RIT2: variants seen among roughly 807,000 people sequenced by gnomAD.
RIT2 encodes Ras like without CAAX 2, also known as GTP-binding protein Rit2.
A neutral mutation model predicts 23.7 loss-of-function variants in RIT2; 24 were observed. The ratio of observed to expected loss-of-function variants is 1.01; its 90% CI spans 0.73 to 1.43. The LOEUF is 1.43. Among genes scored for constraint, RIT2 ranks in the 40% most tolerant of loss-of-function variants. The pLI, the probability that RIT2 is intolerant of heterozygous loss-of-function variation, is 0.00. For missense variants in RIT2, 236 were observed against 266.9 expected, an observed-to-expected ratio of 0.88 and a Z score of 0.81; for synonymous variants, 107 against 91.1, an observed-to-expected ratio of 1.17 and a Z score of -0.99.
chr18:43,086,877 G>T (rs1913294945), intron 1 of RIT2, among the ~76,000 whole-genome samples: 2 of 152,124 alleles, frequency 1.3e-5, no homozygotes, highest in Non-Finnish European at 2.9e-5. Context: ...TGCAATTAGA[G>T]CTCAAATCTT....
chr18:42,903,346 C>G (rs905939732), intron 4 of RIT2, among the ~76,000 whole-genome samples: 5 of 151,978 alleles, frequency 3.3e-5, no homozygotes, highest in African/African-American at 9.7e-5. Context: ...CTTAAGCACA[C>G]AAAATATTTG....
intron 2 of RIT2, among the ~76,000 whole-genome samples, chr18:43,011,802 T>C (rs1911357703): frequency 6.6e-6 from 1 of 151,840 alleles, no homozygotes; most frequent in Admixed American, 6.6e-5. Context: ...CATTTTTTGC[T>C]TTCTGAAATT....
chr18:43,075,416 C>G (rs995164510), intron 1 of RIT2, among the ~76,000 whole-genome samples: 21 of 152,086 alleles, frequency 1.4e-4, no homozygotes, highest in African/African-American at 5.1e-4. Flanking sequence ...CCATGATTAA[C>G]TTCTTTGATA....
chr18:43,054,634 A>G (rs547167494), intron 1 of RIT2, among the ~76,000 whole-genome samples: 43 of 152,178 alleles, frequency 2.8e-4, no homozygotes, highest in Non-Finnish European at 5.7e-4. Context: ...AAATCCTTAT[A>G]TGCTGTTTCA....
At chr18:43,059,277 T>C (rs1912584965) in intron 1 of RIT2, among the ~76,000 whole-genome samples, 1 of 152,102 alleles carries the variant, frequency 6.6e-6, no homozygotes, top group African/African-American at 2.4e-5. Flanking sequence ...TTATCTGTTT[T>C]ATGGATGTCA....
At chr18:42,782,073 A>C (rs188275044) in intron 4 of RIT2, among the ~76,000 whole-genome samples, 1 of 152,314 alleles carries the variant, frequency 6.6e-6, no homozygotes, top group Admixed American at 6.5e-5. Flanking sequence ...CTTTCAAAGC[A>C]CAGGAAAATG....
intron 4 of RIT2, among the ~76,000 whole-genome samples, chr18:42,820,854 T>C (rs1906128780): frequency 6.6e-6 from 1 of 152,160 alleles, no homozygotes; most frequent in Non-Finnish European, 1.5e-5. Context: ...TCAAATCTCA[T>C]GTTAAAATGT....
chr18:43,065,334 G>A (rs62092699), intron 1 of RIT2, among the ~76,000 whole-genome samples: 13,564 of 147,488 alleles, frequency 0.092, 691 homozygotes, highest in East Asian at 0.19. Context: ...GGGCTCAAGC[G>A]ATCCTCCTAC....
chr18:42,859,269 C>T lies in RIT2; in HGVS notation c.426+64303G>A, dbSNP rs549973614. On this transcript the variant is annotated intron_variant, in intron 4 of 4. Coordinates refer to ENST00000326695, the MANE Select transcript of RIT2 (RefSeq NM_002930.4). ...CATTAGTGGGTGTGAACTGATGTCT[C>T]GTGGTTTTGATTTATATTTCCTCAA... Among the ~76,000 whole-genome samples the T allele has an allele frequency of 5.3e-5, 8 of 152,172 alleles. No individual in the cohort carries two copies. In the East Asian group the frequency reaches 7.7e-4, roughly 15 times the overall value.
At chr18:42,915,271 A>C (rs2144123549) in intron 4 of RIT2, among the ~76,000 whole-genome samples, 1 of 152,140 alleles carries the variant, frequency 6.6e-6, no homozygotes, top group South Asian at 2.1e-4. Context: ...TGGGCAGGCA[A>C]GGATACCTGG....
chr18:42,818,143 CTA>C (rs1368337289), intron 4 of RIT2, among the ~76,000 whole-genome samples: 9 of 151,858 alleles, frequency 5.9e-5, no homozygotes, highest in African/African-American at 2.2e-4. Flanking sequence ...AAGTGAAATA[CTA>C]TGAGACTTCT....
At chr18:42,895,623 G>A (rs1033419219) in intron 4 of RIT2, among the ~76,000 whole-genome samples, 7 of 152,132 alleles carry the variant, frequency 4.6e-5, no homozygotes, top group African/African-American at 1.7e-4. Flanking sequence ...ACCCGATTGA[G>A]GACCTATGAG....
At chr18:42,876,214 G>A (rs911471840) in intron 4 of RIT2, among the ~76,000 whole-genome samples, 1 of 151,924 alleles carries the variant, frequency 6.6e-6, no homozygotes, top group Non-Finnish European at 1.5e-5. Context: ...GTGAGATGAT[G>A]AATATATTTC....
At chr18:42,903,351 T>C (rs1167596545) in intron 4 of RIT2, among the ~76,000 whole-genome samples, 1 of 152,058 alleles carries the variant, frequency 6.6e-6, no homozygotes, top group African/African-American at 2.4e-5. Flanking sequence ...GCACACAAAA[T>C]ATTTGCAGAA....
chr18:43,051,492 A>ACTTT (rs1912383326), intron 1 of RIT2, among the ~76,000 whole-genome samples: 1 of 152,126 alleles, frequency 6.6e-6, no homozygotes, highest in Non-Finnish European at 1.5e-5. Context: ...AAAAATTTCC[A>ACTTT]TCCAGGAGAG....
chr18:42,973,089 G>A (rs1406557489), intron 3 of RIT2, among the ~76,000 whole-genome samples: 8 of 151,612 alleles, frequency 5.3e-5, no homozygotes, highest in African/African-American at 1.5e-4. Flanking sequence ...CTTACTTTGA[G>A]TTTGGCTACT....
intron 3 of RIT2, among the ~76,000 whole-genome samples, chr18:42,954,230 T>C (rs1427492589): frequency 3.3e-5 from 5 of 151,716 alleles, no homozygotes; most frequent in Non-Finnish European, 7.4e-5. Flanking sequence ...ATACAAAAAT[T>C]AGCCTGGCAT....
chr18:42,853,933 T>G (rs1598684065), intron 4 of RIT2, among the ~76,000 whole-genome samples: 1 of 152,360 alleles, frequency 6.6e-6, no homozygotes, highest in East Asian at 1.9e-4. Context: ...TATTTTCAAC[T>G]TGTAAGTTCT....
intron 4 of RIT2, among the ~76,000 whole-genome samples, chr18:42,801,964 G>A (rs1413462054): frequency 1.3e-5 from 2 of 152,144 alleles, no homozygotes; most frequent in Non-Finnish European, 2.9e-5. Flanking sequence ...AATGCCAGGA[G>A]TCATGGGACT....
Sources: gnomAD v4.1 joint callset for allele counts (sites outside exome capture counted in the v4.1 genomes callset) on GRCh38, gnomAD v4.1.1 for gene constraint, MANE v1.5 for transcripts, NCBI Gene and HGNC (gene_info 2026-07-23, HGNC 2026-07-21) for gene names.